Variants in ARHGEF7 observed in about 807,000 individuals in gnomAD.
ARHGEF7 encodes the protein PAK-interacting exchange factor beta.
A neutral mutation model predicts 109.8 loss-of-function variants in ARHGEF7; 33 were observed. The observed-to-expected ratio is 0.30, with a 90% CI of 0.23 to 0.40. The LOEUF (loss-of-function observed/expected upper bound fraction) is 0.40, where lower values mean the gene tolerates loss of function less well. Among genes scored for constraint, ARHGEF7 ranks in the 10% least tolerant of loss-of-function variants. ARHGEF7 has a pLI of 1.00. For synonymous variants in ARHGEF7, 458 were observed against 424.6 expected (o/e 1.08, Z -0.97); for missense variants, 938 against 1,098.5 (o/e 0.85, Z 2.07).
chr13:111,255,226 A>C lies in ARHGEF7; in HGVS notation c.950+10932A>C, dbSNP rs1339632506. ...GAAGAGGATTCGGGCTAAGGCGCTG[A>C]GTTCCGTTTGGGGTTGCTGTGCATT... On this transcript the variant is annotated intron_variant, in intron 8 of 21. Coordinates refer to ENST00000646102, the MANE Select transcript of ARHGEF7 (RefSeq NM_001354046.2). The surrounding 1 kb of genome is among the most constrained non-coding windows in gnomAD (Gnocchi z 4.1). 6.6e-6 allele frequency among the ~76,000 whole-genome samples: 1 copy of C among 152,206 alleles called. No homozygotes were observed. The highest frequency in any genetic ancestry group is 2.4e-5 in the African/African-American group (1 of 41,454).
At chr13:111,156,047 C>G (rs998189435) in intron 2 of ARHGEF7, among the ~76,000 whole-genome samples, 1 of 144,292 alleles carries the variant, frequency 6.9e-6, no homozygotes, top group Non-Finnish European at 1.5e-5. Context: ...ATTGCCACTG[C>G]ACTCCAGCCT....
At chr13:111,221,557 ATC>A (rs1281660921) in intron 5 of ARHGEF7, among the ~76,000 whole-genome samples, 1 of 72,588 alleles carries the variant, frequency 1.4e-5, no homozygotes. Flanking sequence ...ATATCTATAT[ATC>A]TATATATATA....
chr13:111,125,202 AAGAG>A (rs1358358415), intron 1 of ARHGEF7, among the ~76,000 whole-genome samples: 1 of 152,128 alleles, frequency 6.6e-6, no homozygotes, highest in Non-Finnish European at 1.5e-5. Context: ...TGATGAGAAA[AAGAG>A]AGAGAGTGAG....
In ARHGEF7 at chr13:111,265,097, C is replaced by A. The variant is rs148703553; in HGVS notation, c.951-2451C>A. 8.7e-3 allele frequency among the ~76,000 whole-genome samples: 1,125 copies of A among 129,754 alleles called. 12 individuals carry two copies. Among genetic ancestry groups the A allele is most frequent in the African/African-American group, 0.033 (1,047 of 31,770 alleles). 85.1% of individuals were successfully genotyped at this position (129,754 alleles called of 152,430 possible). ...TGAGATGGTGCCATTACACTCCAGC[C>A]TGGGTAACAAGAGAGAAACTCCATC... On this transcript the variant is annotated intron_variant, in intron 8 of 21. Transcript: ENST00000646102.
At chr13:111,143,545 G>A (rs968647788) in intron 1 of ARHGEF7, 9 of 152,250 alleles carry the variant, frequency 5.9e-5, no homozygotes, top group African/African-American at 2.2e-4. Flanking sequence ...ATCATTTACA[G>A]TCTGTTTCCA....
At chr13:111,286,390 C>T (rs906453899) in intron 17 of ARHGEF7, 150 bp downstream of exon 17, 13 of 659,428 alleles carry the variant, frequency 2.0e-5, no homozygotes, top group African/African-American at 1.1e-4. Flanking sequence ...GAATAAGCCA[C>T]GTAACATTTA....
In ARHGEF7 at chr13:111,181,938, C is replaced by T. The variant is rs1476210909; in HGVS notation, c.253-23351C>T. ...AGGTTGATGTGTTGAACTGAACCAA[C>T]AAAGCGTTGTGGATTTGGTGAGCTG... On this transcript the variant is annotated intron_variant, in intron 2 of 21. Transcript: ENST00000646102. Among the ~76,000 whole-genome samples the T allele has an allele frequency of 2.0e-5, 3 of 152,200 alleles. No individual in the cohort carries two copies. In the East Asian group the frequency reaches 5.8e-4, roughly 29 times the overall value.
chr13:111,132,167 G>C (rs2074790603), intron 1 of ARHGEF7, among the ~76,000 whole-genome samples: 1 of 152,172 alleles, frequency 6.6e-6, no homozygotes, highest in Non-Finnish European at 1.5e-5. Flanking sequence ...ACCGCTTTAG[G>C]GGAGAATGTC....
chr13:111,226,010 G>A (rs1381232219), intron 5 of ARHGEF7, among the ~76,000 whole-genome samples: 1 of 152,178 alleles, frequency 6.6e-6, no homozygotes, highest in East Asian at 1.9e-4. Flanking sequence ...AGTCAGTCGT[G>A]AATACAAATG....
intron 1 of ARHGEF7, among the ~76,000 whole-genome samples, chr13:111,125,536 C>A (rs1300661702): frequency 6.6e-6 from 1 of 152,152 alleles, no homozygotes; most frequent in Non-Finnish European, 1.5e-5. Flanking sequence ...ATCCACAGCT[C>A]CAAGTGTGTT....
chr13:111,133,865 C>T (rs1211853979), intron 1 of ARHGEF7, among the ~76,000 whole-genome samples: 1 of 140,138 alleles, frequency 7.1e-6, no homozygotes, highest in Admixed American at 7.4e-5. Flanking sequence ...AGGTTTGTTA[C>T]ATATGTATAC....
At chr13:111,265,633 A>G (rs1342033759) in intron 8 of ARHGEF7, 2 of 456,738 alleles carry the variant, frequency 4.4e-6, no homozygotes, top group African/African-American at 4.0e-5. Flanking sequence ...TTTGGGAGCC[A>G]GAGTGTGCTG....
chr13:111,261,886 A>AT (rs1229485757), intron 8 of ARHGEF7, among the ~76,000 whole-genome samples: 1 of 152,218 alleles, frequency 6.6e-6, no homozygotes, highest in East Asian at 1.9e-4. Context: ...CAATGAAGAA[A>AT]TTAAGAAAAT....
rs2093623500 is a variant in ARHGEF7 at position 111,304,564 on chromosome 13, C to G, written c.*1451C>G. 1.3e-5 allele frequency: 2 copies of G among 152,248 alleles called. No individual in the cohort carries two copies. The highest frequency in any genetic ancestry group is 4.1e-4 in the South Asian group (2 of 4,826). The allele number at this position is 152,248 out of a possible 1,614,324, so 9.4% of individuals were successfully genotyped here. On this transcript the variant is annotated 3_prime_UTR_variant, in exon 22 of 22. Transcript: ENST00000646102. ...GATTTTCTGTCTATTGGCCAAATTG[C>G]CCTTTAACTGCACCTGAATCCTTTG...
At chr13:111,210,342 A>G (rs1045300519) in intron 4 of ARHGEF7, among the ~76,000 whole-genome samples, 3 of 152,228 alleles carry the variant, frequency 2.0e-5, no homozygotes, top group Non-Finnish European at 4.4e-5. Flanking sequence ...TATTGAGAAT[A>G]AGAAATATGT....
intron 1 of ARHGEF7, among the ~76,000 whole-genome samples, chr13:111,138,580 G>A (rs1175534557): frequency 6.6e-6 from 1 of 152,098 alleles, no homozygotes; most frequent in Admixed American, 6.6e-5. Context: ...TTTCTAACTC[G>A]AAGGGGTGGT....
At chr13:111,270,841 A>G (rs1041948148) in intron 9 of ARHGEF7, among the ~76,000 whole-genome samples, 1 of 152,206 alleles carries the variant, frequency 6.6e-6, no homozygotes, top group African/African-American at 2.4e-5. Context: ...TTGTTGGTAA[A>G]ATATAAATTG....
intron 4 of ARHGEF7, among the ~76,000 whole-genome samples, chr13:111,214,986 C>G (rs933902290): frequency 2.0e-5 from 3 of 151,454 alleles, no homozygotes; most frequent in African/African-American, 7.3e-5. Flanking sequence ...TTTATACATT[C>G]ACTTAAAGTC....
intron 12 of ARHGEF7, among the ~76,000 whole-genome samples, chr13:111,276,956 A>C (rs2092521737): frequency 6.6e-6 from 1 of 152,026 alleles, no homozygotes; most frequent in Admixed American, 6.6e-5. Flanking sequence ...TATCTTACTG[A>C]AGCAAATGAT....
Sources: gnomAD v4.1 joint callset for allele counts (sites outside exome capture counted in the v4.1 genomes callset) on GRCh38, gnomAD v4.1.1 for gene constraint, Gnocchi (gnomAD v3.1) non-coding constraint, MANE v1.5 for transcripts, NCBI Gene and HGNC (gene_info 2026-07-23, HGNC 2026-07-21) for gene names.